The following EVA1A variants were observed in gnomAD, a reference collection of about 807,000 sequenced individuals.
EVA1A encodes the protein eva-1 homolog A, regulator of programmed cell death.
A neutral mutation model predicts 9.8 loss-of-function variants in EVA1A; 7 were observed. The observed-to-expected ratio is 0.71, with a 90% CI of 0.41 to 1.34. The LOEUF (loss-of-function observed/expected upper bound fraction) is 1.34, where lower values mean the gene tolerates loss of function less well. Ranked by LOEUF, EVA1A falls within the 40% of genes most tolerant of loss-of-function variation. EVA1A has a pLI of 0.01. For synonymous variants in EVA1A, 90 were observed against 85.6 expected, an observed-to-expected ratio of 1.05 and a Z score of -0.28; for missense variants, 206 against 205.9, an observed-to-expected ratio of 1.00 and a Z score of 0.00.
intron 1 of EVA1A, among the ~76,000 whole-genome samples, chr2:75,567,935 T>A (rs1345862207): frequency 6.6e-6 from 1 of 152,220 alleles, no homozygotes; most frequent in Non-Finnish European, 1.5e-5. Flanking sequence ...CTTGCTTCAT[T>A]TTTAGTCCAC....
intron 3 of EVA1A, among the ~76,000 whole-genome samples, chr2:75,516,459 T>C (rs901527668): frequency 6.6e-6 from 1 of 152,090 alleles, no homozygotes; most frequent in Non-Finnish European, 1.5e-5. Flanking sequence ...AATTCATGAG[T>C]ATGGGGCAGG....
At chr2:75,555,671 C>T (rs59243524) in intron 1 of EVA1A, among the ~76,000 whole-genome samples, 9,197 of 152,138 alleles carry the variant, frequency 0.06, 938 homozygotes, top group African/African-American at 0.21. Context: ...GAGCTCAGCA[C>T]ACCTGAGCTT....
At chr2:75,505,831 A>T (rs1440303224) in intron 3 of EVA1A, among the ~76,000 whole-genome samples, 2 of 152,058 alleles carry the variant, frequency 1.3e-5, no homozygotes, top group Admixed American at 6.6e-5. Context: ...AGGGTAGGGA[A>T]TTTTTTTAAT....
At chr2:75,542,517 T>C (rs35457903) in intron 1 of EVA1A, 27,541 of 152,274 alleles carry the variant, frequency 0.18, 2,744 homozygotes, top group African/African-American at 0.26. Flanking sequence ...TTCTGGGTTT[T>C]GCTCTGTTTG....
At chr2:75,531,213 C>CT in intron 1 of EVA1A, among the ~76,000 whole-genome samples, 1 of 152,318 alleles carries the variant, frequency 6.6e-6, no homozygotes, top group South Asian at 2.1e-4. Context: ...ACTCACCTTA[C>CT]TCCTGCAAGA....
At chr2:75,559,273 A>G (rs1048095448) in intron 1 of EVA1A, among the ~76,000 whole-genome samples, 3 of 152,248 alleles carry the variant, frequency 2.0e-5, no homozygotes, top group South Asian at 2.1e-4. Flanking sequence ...TGACAGCCAA[A>G]TATGTCTCCA....
intron 1 of EVA1A, among the ~76,000 whole-genome samples, chr2:75,538,649 C>T (rs1474815458): frequency 6.6e-6 from 1 of 152,160 alleles, no homozygotes; most frequent in Non-Finnish European, 1.5e-5. Flanking sequence ...CCATGTAATA[C>T]TACTCAGCAA....
intron 1 of EVA1A, among the ~76,000 whole-genome samples, chr2:75,560,443 C>G (rs1382935924): frequency 6.6e-6 from 1 of 151,782 alleles, no homozygotes; most frequent in African/African-American, 2.4e-5. Context: ...GCAGGGGGGG[C>G]GAGAGAAGAA....
chr2:75,552,357 C>T (rs1207351929), intron 1 of EVA1A, among the ~76,000 whole-genome samples: 1 of 152,096 alleles, frequency 6.6e-6, no homozygotes, highest in Non-Finnish European at 1.5e-5. Context: ...CTCCCTCCTC[C>T]CTGTCCCTTC....
intron 3 of EVA1A, among the ~76,000 whole-genome samples, chr2:75,503,564 C>A (rs1674507843): frequency 6.6e-6 from 1 of 152,152 alleles, no homozygotes; most frequent in African/African-American, 2.4e-5. Flanking sequence ...CCAGACCAGG[C>A]CAGCTGGTCT....
intron 3 of EVA1A, among the ~76,000 whole-genome samples, chr2:75,502,983 C>A (rs1022589988): frequency 3.9e-5 from 6 of 152,220 alleles, no homozygotes; most frequent in Non-Finnish European, 8.8e-5. Context: ...AGTTTCTGAA[C>A]TCCATCTTGG....
chr2:75,513,614 T>C lies in EVA1A; in HGVS notation c.85+4442A>G, dbSNP rs192090423. Among the ~76,000 whole-genome samples the C allele has an allele frequency of 2.5e-3, 375 of 152,306 alleles. 3 individuals are homozygous for C. The highest frequency in any genetic ancestry group is 8.7e-3 in the African/African-American group (360 of 41,574). On this transcript the variant is annotated intron_variant, in intron 3 of 3. Coordinates refer to ENST00000393913, the MANE Select transcript of EVA1A (RefSeq NM_001135032.2). ...CTCATTGTAGCCCTATTCATAATAG[T>C]CAAGAAATGCAGACAACCAAAGTGT... is the stretch of plus-strand genomic sequence containing the variant.
At chr2:75,559,694 A>ACGT (rs1676844375) in intron 1 of EVA1A, among the ~76,000 whole-genome samples, 1 of 2,786 alleles carries the variant, frequency 3.6e-4, no homozygotes, top group Non-Finnish European at 6.6e-4. Flanking sequence ...ATGAGAAAGG[A>ACGT]GGTGGGGGGG....
intron 1 of EVA1A, among the ~76,000 whole-genome samples, chr2:75,523,013 G>T (rs1675286751): frequency 6.6e-6 from 1 of 152,206 alleles, no homozygotes; most frequent in Non-Finnish European, 1.5e-5. Flanking sequence ...CTAGGCCCAG[G>T]TAGGAAATCT....
At chr2:75,513,710 A>C (rs1674902902) in intron 3 of EVA1A, among the ~76,000 whole-genome samples, 1 of 152,226 alleles carries the variant, frequency 6.6e-6, no homozygotes, top group Non-Finnish European at 1.5e-5. Flanking sequence ...GGCCTTAACA[A>C]AGAAGGAGAT....
intron 3 of EVA1A, among the ~76,000 whole-genome samples, chr2:75,515,872 C>G (rs1674987136): frequency 6.6e-6 from 1 of 152,142 alleles, no homozygotes. Flanking sequence ...CTTAGACACC[C>G]CCCTAACAAA....
At chr2:75,501,117 T>A (rs1308747405) in intron 3 of EVA1A, among the ~76,000 whole-genome samples, 3 of 151,884 alleles carry the variant, frequency 2.0e-5, no homozygotes, top group Non-Finnish European at 4.4e-5. Context: ...CACAGGAGCC[T>A]TTAGTCCAGA....
At chr2:75,507,869 C>T (rs149971029) in intron 3 of EVA1A, among the ~76,000 whole-genome samples, 17 of 152,248 alleles carry the variant, frequency 1.1e-4, no homozygotes, top group East Asian at 7.7e-4. Context: ...ACCTTTGTTG[C>T]GGGAAGTCAG....
upstream of EVA1A, among the ~76,000 whole-genome samples, chr2:75,564,509 C>T (rs950951077): frequency 2.6e-5 from 4 of 152,208 alleles, no homozygotes; most frequent in Non-Finnish European, 4.4e-5. Context: ...AACCACAATC[C>T]GCCCACACTG....
Sources: allele counts gnomAD v4.1 joint callset (sites outside exome capture counted in the v4.1 genomes callset), GRCh38; gene constraint gnomAD v4.1.1; transcripts MANE v1.5; gene names NCBI Gene and HGNC (gene_info 2026-07-23, HGNC 2026-07-21).